Variants in PACC1 observed in about 807,000 individuals in gnomAD.
PACC1 encodes proton activated chloride channel 1.
PACC1 carries 34 observed loss-of-function variants against 39.7 expected under a neutral mutation model. The ratio of observed to expected loss-of-function variants is 0.86; its 90% CI spans 0.65 to 1.14. The LOEUF (loss-of-function observed/expected upper bound fraction) is 1.14, where lower values mean the gene tolerates loss of function less well. Among genes scored for constraint, PACC1 ranks in the 50% most tolerant of loss-of-function variants. The pLI, the probability that PACC1 is intolerant of heterozygous loss-of-function variation, is 0.00. For synonymous variants in PACC1, 127 were observed against 160.6 expected (o/e 0.79, Z 1.58); for missense variants, 379 against 436.4 (o/e 0.87, Z 1.17).
At position 212,390,459 on chromosome 1, in the gene PACC1, T is replaced by C. The variant is rs550640924; in HGVS notation, c.134-3359A>G. Among the ~76,000 whole-genome samples the C allele has an allele frequency of 2.2e-4, 33 of 147,774 alleles. 1 individual carries two copies. In the South Asian group the frequency reaches 6.5e-3, roughly 29 times the overall value. On this transcript the variant is annotated intron_variant, in intron 2 of 7. Transcript: ENST00000261455. ...AAAAAAAAAAAAAAGACTATTGATA[T>C]TGGGTTCTAAGATGGCTGAATAGGA...
At chr1:212,404,703 CTTT>C (rs547795519) in intron 2 of PACC1, among the ~76,000 whole-genome samples, 6 of 140,358 alleles carry the variant, frequency 4.3e-5, no homozygotes, top group East Asian at 2.1e-4. Flanking sequence ...GCCTTCCTTC[CTTT>C]TTTTTTTTTT....
chr1:212,368,951 G>GA (rs1244614581), intron 7 of PACC1, among the ~76,000 whole-genome samples: 3 of 150,722 alleles, frequency 2.0e-5, no homozygotes, highest in African/African-American at 7.3e-5. Context: ...AGAATGGTGT[G>GA]AACCCGGGAG....
chr1:212,390,652 A>G (rs1571658689), intron 2 of PACC1, among the ~76,000 whole-genome samples: 1 of 150,994 alleles, frequency 6.6e-6, no homozygotes, highest in African/African-American at 2.4e-5. Context: ...GCATCGCCTC[A>G]CCCGGGAAGC....
chr1:212,365,009 G>C lies in PACC1; in HGVS notation c.*206C>G, dbSNP rs1660178724. ...AATAATTTAAATATTTAAATAACTT[G>C]TAGGTTTATCCATTAGTCTCTTCTA... On this transcript the variant is annotated 3_prime_UTR_variant, in exon 8 of 8. Transcript: ENST00000261455. 5.4e-6 allele frequency: 2 copies of C among 373,348 alleles called. No individual in the cohort carries two copies. The highest frequency in any genetic ancestry group is 4.4e-5 in the Admixed American group (1 of 22,482). 23.1% of individuals were successfully genotyped at this position (373,348 alleles called of 1,614,324 possible).
intron 1 of PACC1, 71 bp downstream of exon 1, chr1:212,414,651 G>A (rs982747748): frequency 5.0e-6 from 5 of 1,006,252 alleles, no homozygotes; most frequent in Middle Eastern, 4.8e-4. Flanking sequence ...CCCCCGCCCC[G>A]CATCCGCCCA....
intron 2 of PACC1, among the ~76,000 whole-genome samples, chr1:212,397,298 G>A (rs1031250062): frequency 1.3e-5 from 2 of 152,150 alleles, no homozygotes; most frequent in Non-Finnish European, 2.9e-5. Flanking sequence ...GTAGAAAACA[G>A]CAAAATGGTA....
At chr1:212,410,600 A>T in intron 1 of PACC1, 79 bp from the exon 2 acceptor site, 1 of 1,297,022 alleles carries the variant, frequency 7.7e-7, no homozygotes, top group Non-Finnish European at 1.1e-6. Context: ...AGAAAGCAGA[A>T]GCTGCTTGTC....
In PACC1 at chr1:212,414,280, G is replaced by T. The variant is rs57517430; in HGVS notation, c.36+442C>A. Among the ~76,000 whole-genome samples the T allele has an allele frequency of 1.7e-3, 257 of 152,346 alleles. 1 individual carries two copies. The highest frequency in any genetic ancestry group is 5.8e-3 in the African/African-American group (243 of 41,576). On this transcript the variant is annotated intron_variant, in intron 1 of 7. Transcript: ENST00000261455. ...GGACAGCGAGGCCTTGGGCTTGGAGGGGGAGGATGCCGACGATGCCGACCG... is the reference window on the plus strand; with the variant it reads ...GGACAGCGAGGCCTTGGGCTTGGAGTGGGAGGATGCCGACGATGCCGACCG...
At chr1:212,413,990 A>C in intron 1 of PACC1, 1 of 1,535,786 alleles carries the variant, frequency 6.5e-7, no homozygotes, top group African/African-American at 1.4e-5. Flanking sequence ...GGGGGCCGAG[A>C]AGTGGAGGCG....
At chr1:212,388,384 C>A (rs571213670) in intron 2 of PACC1, among the ~76,000 whole-genome samples, 1 of 152,196 alleles carries the variant, frequency 6.6e-6, no homozygotes, top group Non-Finnish European at 1.5e-5. Flanking sequence ...ACCTCCCTCA[C>A]AAAATCCTGA....
chr1:212,411,176 G>A (rs1662114812), intron 1 of PACC1, among the ~76,000 whole-genome samples: 1 of 152,152 alleles, frequency 6.6e-6, no homozygotes, highest in African/African-American at 2.4e-5. Flanking sequence ...TATTTTCCAT[G>A]GCCATAAAGC....
At chr1:212,404,447 A>G (rs535716756) in intron 2 of PACC1, among the ~76,000 whole-genome samples, 2 of 151,642 alleles carry the variant, frequency 1.3e-5, no homozygotes, top group South Asian at 4.2e-4. Flanking sequence ...TAGATAATGT[A>G]CAGACCCTGA....
chr1:212,367,291 G>C (rs1046155087), intron 7 of PACC1, among the ~76,000 whole-genome samples: 18 of 152,182 alleles, frequency 1.2e-4, no homozygotes, highest in Admixed American at 1.1e-3. Flanking sequence ...GTAGAAAGGA[G>C]GGTCTCACGC....
intron 2 of PACC1, among the ~76,000 whole-genome samples, chr1:212,399,480 G>C (rs1007801200): frequency 1.3e-5 from 2 of 149,874 alleles, no homozygotes; most frequent in Non-Finnish European, 3.0e-5. Context: ...TTTTTTTTAA[G>C]AGACACGGTC....
intron 7 of PACC1, among the ~76,000 whole-genome samples, chr1:212,368,843 T>C (rs1282784056): frequency 1.3e-5 from 2 of 151,900 alleles, no homozygotes; most frequent in East Asian, 1.9e-4. Context: ...CCATCCTGGC[T>C]AACACGGTGA....
chr1:212,414,576 G>C (rs1458008907), intron 1 of PACC1, 146 bp downstream of exon 1: 2 of 1,025,764 alleles, frequency 1.9e-6, no homozygotes, highest in Non-Finnish European at 2.9e-6. Flanking sequence ...TCTGCACCCC[G>C]GGAGCCCTCC....
rs137951376 is a variant in PACC1 at position 212,375,075 on chromosome 1, A to G, written c.891+118T>C. On this transcript the variant is annotated intron_variant, in intron 7 of 7. Transcript: ENST00000261455. ...GACAGGTAGGTAGACTTATCAGTCT[A>G]CAAGAATGAGCCAAAAGACTTCAGG... 3.6e-4 allele frequency: 269 copies of G among 742,316 alleles called. No homozygotes were observed. In the African/African-American group the frequency reaches 4.1e-3, roughly 11 times the overall value. 46.0% of individuals were successfully genotyped at this position (742,316 alleles called of 1,614,324 possible).
intron 2 of PACC1, among the ~76,000 whole-genome samples, chr1:212,394,119 G>A (rs1290404909): frequency 6.6e-6 from 1 of 152,080 alleles, no homozygotes; most frequent in African/African-American, 2.4e-5. Context: ...CCAAAGCCTG[G>A]CAGAGACACA....
rs190005987 is a variant in PACC1 at position 212,385,566 on chromosome 1, G to A, written c.344-141C>T. ...AAGGGAGAAGAAAAGGGTTTCAGAG[G>A]GTGAGGAGCCACATCCCCTGGCCTC... On this transcript the variant is annotated intron_variant, in intron 3 of 7. Coordinates refer to ENST00000261455, the MANE Select transcript of PACC1 (RefSeq NM_018252.3). 2.2e-4 allele frequency: 189 copies of A among 875,052 alleles called. 2 individuals carry two copies. The East Asian group carries it at 3.0e-3, about 14-fold the overall frequency. 54.2% of individuals were successfully genotyped at this position (875,052 alleles called of 1,614,324 possible).
Sources: allele counts gnomAD v4.1 joint callset (sites outside exome capture counted in the v4.1 genomes callset), GRCh38; gene constraint gnomAD v4.1.1; transcripts MANE v1.5; gene names NCBI Gene and HGNC (gene_info 2026-07-23, HGNC 2026-07-21).